C8orf34: variants seen among roughly 807,000 people sequenced by gnomAD.
C8orf34 encodes chromosome 8 open reading frame 34, also known as uncharacterized protein C8orf34.
A neutral mutation model predicts 68.3 loss-of-function variants in C8orf34; 65 were observed. The observed-to-expected ratio is 0.95, with a 90% CI of 0.78 to 1.17. The LOEUF (loss-of-function observed/expected upper bound fraction) is 1.17, where lower values mean the gene tolerates loss of function less well. Ranked by LOEUF, C8orf34 falls within the 50% of genes most tolerant of loss-of-function variation. C8orf34 has a pLI of 0.00. For missense variants in C8orf34, 664 were observed against 655.4 expected (o/e 1.01, Z -0.14); for synonymous variants, 244 against 241.2 (o/e 1.01, Z -0.11).
chr8:68,556,616 G>A (rs115150149), intron 7 of C8orf34, among the ~76,000 whole-genome samples: 371 of 152,176 alleles, frequency 2.4e-3, no homozygotes, highest in African/African-American at 7.8e-3. Context: ...ATAAAGAGCC[G>A]AGGGCACCTC....
intron 6 of C8orf34, among the ~76,000 whole-genome samples, chr8:68,531,411 A>G (rs1815240604): frequency 6.6e-6 from 1 of 152,106 alleles, no homozygotes; most frequent in African/African-American, 2.4e-5. Flanking sequence ...TGACATTTAC[A>G]TTCTTGAAGA....
chr8:68,500,063 G>A (rs1356459157), intron 5 of C8orf34, among the ~76,000 whole-genome samples: 1 of 152,160 alleles, frequency 6.6e-6, no homozygotes, highest in Non-Finnish European at 1.5e-5. Context: ...ATAGCCTTCA[G>A]CCATGACTCC....
intron 11 of C8orf34, among the ~76,000 whole-genome samples, chr8:68,787,021 C>A (rs888165313): frequency 5.9e-5 from 9 of 152,102 alleles, no homozygotes; most frequent in African/African-American, 2.2e-4. Flanking sequence ...TGAAGTAATA[C>A]TAGGAGAGTA....
intron 5 of C8orf34, among the ~76,000 whole-genome samples, chr8:68,508,911 C>T (rs1000614814): frequency 2.6e-5 from 4 of 152,044 alleles, no homozygotes; most frequent in African/African-American, 9.7e-5. Flanking sequence ...AGGCCAGAGT[C>T]CCTGCTAGAG....
At chr8:68,560,555 C>A (rs962948870) in intron 7 of C8orf34, among the ~76,000 whole-genome samples, 1 of 152,138 alleles carries the variant, frequency 6.6e-6, no homozygotes, top group Admixed American at 6.5e-5. Context: ...CGAACCTAGA[C>A]GGTACAGCCT....
At chr8:68,334,319 A>G (rs1434477362) in intron 1 of C8orf34, among the ~76,000 whole-genome samples, 2 of 152,068 alleles carry the variant, frequency 1.3e-5, no homozygotes, top group African/African-American at 4.8e-5. Context: ...AATTCTGGAC[A>G]ATGATATTCT....
chr8:68,718,828 T>C (rs1036270317), intron 9 of C8orf34, among the ~76,000 whole-genome samples: 3 of 152,162 alleles, frequency 2.0e-5, no homozygotes, highest in African/African-American at 7.2e-5. Context: ...GAATTTCTAG[T>C]CCTACTCCTG....
chr8:68,587,452 T>C (rs1351289040), intron 7 of C8orf34, among the ~76,000 whole-genome samples: 2 of 152,148 alleles, frequency 1.3e-5, no homozygotes, highest in Admixed American at 6.6e-5. Context: ...AGACCTCAAG[T>C]GGAGCTCTCA....
chr8:68,473,052 T>C (rs1421198899), intron 4 of C8orf34, among the ~76,000 whole-genome samples: 2 of 152,140 alleles, frequency 1.3e-5, no homozygotes, highest in Non-Finnish European at 1.5e-5. Flanking sequence ...ATACAATGTT[T>C]GAAAGAGTAG....
At chr8:68,729,161 T>C (rs1325386893) in intron 10 of C8orf34, among the ~76,000 whole-genome samples, 1 of 152,228 alleles carries the variant, frequency 6.6e-6, no homozygotes, top group Admixed American at 6.5e-5. Flanking sequence ...AATGAATTTC[T>C]TTTTACAAGA....
intron 9 of C8orf34, among the ~76,000 whole-genome samples, chr8:68,712,731 A>G (rs1305339684): frequency 6.6e-6 from 1 of 152,178 alleles, no homozygotes; most frequent in East Asian, 1.9e-4. Context: ...ACAGATAGCA[A>G]CACAGTAATA....
At chr8:68,426,337 G>A (rs774271477) in intron 1 of C8orf34, among the ~76,000 whole-genome samples, 2 of 151,764 alleles carry the variant, frequency 1.3e-5, no homozygotes, top group South Asian at 2.1e-4. Flanking sequence ...GGCCAACATG[G>A]TGAAAGCCCA....
At chr8:68,817,997 C>T (rs1298858670) in intron 13 of C8orf34, among the ~76,000 whole-genome samples, 3 of 152,012 alleles carry the variant, frequency 2.0e-5, no homozygotes, top group African/African-American at 4.8e-5. Flanking sequence ...CAACGAGATT[C>T]GGGTGAGGAC....
intron 11 of C8orf34, among the ~76,000 whole-genome samples, chr8:68,784,083 T>A (rs1226155875): frequency 1.3e-5 from 2 of 152,078 alleles, no homozygotes; most frequent in Admixed American, 6.5e-5. Flanking sequence ...TTTCCACAGG[T>A]TTTCCCTGTC....
intron 1 of C8orf34, among the ~76,000 whole-genome samples, chr8:68,346,162 G>C (rs930170059): frequency 9.2e-5 from 14 of 151,720 alleles, no homozygotes; most frequent in African/African-American, 3.1e-4. Flanking sequence ...TTTCTTAGTT[G>C]ATTGGAAATA....
At chr8:68,554,903 A>G (rs902544767) in intron 7 of C8orf34, among the ~76,000 whole-genome samples, 2 of 152,098 alleles carry the variant, frequency 1.3e-5, no homozygotes, top group African/African-American at 4.8e-5. Context: ...TTGTTAAACA[A>G]CCTTAGATTG....
At chr8:68,622,597 C>T (rs982402134) in intron 7 of C8orf34, among the ~76,000 whole-genome samples, 8 of 152,116 alleles carry the variant, frequency 5.3e-5, no homozygotes, top group Non-Finnish European at 1.0e-4. Flanking sequence ...AGTAAGTGAG[C>T]ATAAGAGACA....
intron 2 of C8orf34, among the ~76,000 whole-genome samples, chr8:68,441,236 A>T (rs1269635418): frequency 6.6e-6 from 1 of 152,078 alleles, no homozygotes; most frequent in Non-Finnish European, 1.5e-5. Flanking sequence ...TTACATTCTC[A>T]TCTGGAGGCT....
intron 1 of C8orf34, among the ~76,000 whole-genome samples, chr8:68,361,995 G>A (rs945809589): frequency 6.6e-6 from 1 of 152,202 alleles, no homozygotes; most frequent in Admixed American, 6.5e-5. Flanking sequence ...TCTTCTTTTA[G>A]GTGTAAGCCA....
Sources: gnomAD v4.1 joint callset for allele counts (sites outside exome capture counted in the v4.1 genomes callset) on GRCh38, gnomAD v4.1.1 for gene constraint, MANE v1.5 for transcripts, NCBI Gene and HGNC (gene_info 2026-07-23, HGNC 2026-07-21) for gene names.